The following RIT2 variants were observed in gnomAD, a reference collection of about 807,000 sequenced individuals.
RIT2 encodes Ras like without CAAX 2.
Under a neutral mutation model 23.7 loss-of-function variants are expected in RIT2, and 24 were observed. The observed-to-expected ratio is 1.01, with a 90% CI of 0.73 to 1.43. RIT2 has a LOEUF of 1.43. RIT2 is among the 40% of genes most tolerant of loss of function. The pLI is 0.00. For synonymous variants in RIT2, 107 were observed against 91.1 expected (o/e 1.17, Z -0.99); for missense variants, 236 against 266.9 (o/e 0.88, Z 0.81).
chr18:42,900,040 C>T (rs759530741), intron 4 of RIT2, among the ~76,000 whole-genome samples: 4 of 151,682 alleles, frequency 2.6e-5, no homozygotes, highest in Non-Finnish European at 5.9e-5. Flanking sequence ...AAATGGACCA[C>T]CAGAAACTAA....
At chr18:42,993,420 G>T (rs1047274605) in intron 2 of RIT2, among the ~76,000 whole-genome samples, 4 of 152,116 alleles carry the variant, frequency 2.6e-5, no homozygotes, top group Admixed American at 1.3e-4. Flanking sequence ...AACTCTCATG[G>T]TGGAAGGTAA....
intron 4 of RIT2, among the ~76,000 whole-genome samples, chr18:42,763,597 T>C (rs1200129861): frequency 6.6e-6 from 1 of 152,184 alleles, no homozygotes; most frequent in African/African-American, 2.4e-5. Flanking sequence ...TCATTGTGAA[T>C]GTTCTAAACA....
intron 1 of RIT2, among the ~76,000 whole-genome samples, chr18:43,069,613 T>G (rs1912853312): frequency 6.6e-6 from 1 of 152,134 alleles, no homozygotes; most frequent in Non-Finnish European, 1.5e-5. Flanking sequence ...GAGTGACACA[T>G]GGAAAATATC....
At chr18:42,761,756 C>CA (rs1567989917) in intron 4 of RIT2, among the ~76,000 whole-genome samples, 1 of 152,218 alleles carries the variant, frequency 6.6e-6, no homozygotes, top group Non-Finnish European at 1.5e-5. Context: ...TGGCTCAGTA[C>CA]AACCTTTGCC....
intron 2 of RIT2, among the ~76,000 whole-genome samples, chr18:43,011,256 A>G (rs1230182190): frequency 1.3e-5 from 2 of 151,748 alleles, no homozygotes; most frequent in Non-Finnish European, 2.9e-5. Flanking sequence ...AATAATGTGC[A>G]ATCAGGAGAG....
intron 4 of RIT2, among the ~76,000 whole-genome samples, chr18:42,795,603 G>A (rs775039868): frequency 1.3e-5 from 2 of 152,262 alleles, no homozygotes; most frequent in African/African-American, 4.8e-5. Context: ...CCACCTAAGG[G>A]CTGAGAACTG....
In RIT2 at chr18:42,743,403, A is replaced by G. The variant is rs1167385004; in HGVS notation, c.*90T>C. 4 of 916,246 alleles carry G rather than the reference A, an allele frequency of 4.4e-6. No homozygotes were observed. Among genetic ancestry groups the G allele is most frequent in the African/African-American group, 1.7e-5 (1 of 60,450 alleles). 56.8% of individuals were successfully genotyped at this position (916,246 alleles called of 1,614,324 possible). ...CAGATATTTAAAGAGAGAGAGACACATAGAGAGATAATATTGAAGCAGAAT... is the reference window on the plus strand; with the variant it reads ...CAGATATTTAAAGAGAGAGAGACACGTAGAGAGATAATATTGAAGCAGAAT... On this transcript the variant is annotated 3_prime_UTR_variant, in exon 5 of 5. Coordinates refer to ENST00000326695, the MANE Select transcript of RIT2 (RefSeq NM_002930.4).
chr18:43,049,888 A>T (rs945149248), intron 1 of RIT2, among the ~76,000 whole-genome samples: 4 of 151,592 alleles, frequency 2.6e-5, no homozygotes, highest in African/African-American at 9.7e-5. Context: ...GAGAAAATCT[A>T]AAGTCATATC....
At chr18:43,068,387 T>C (rs1307194340) in intron 1 of RIT2, among the ~76,000 whole-genome samples, 1 of 152,176 alleles carries the variant, frequency 6.6e-6, no homozygotes, top group Non-Finnish European at 1.5e-5. Flanking sequence ...ATCTGAAACA[T>C]ATGGATTCTC....
intron 1 of RIT2, among the ~76,000 whole-genome samples, chr18:43,091,839 C>T (rs867772419): frequency 6.6e-6 from 1 of 152,134 alleles, no homozygotes; most frequent in East Asian, 1.9e-4. Flanking sequence ...TTTAACCTTT[C>T]CTTCTTTAGC....
At chr18:43,053,587 G>A (rs1044884521) in intron 1 of RIT2, among the ~76,000 whole-genome samples, 8 of 151,994 alleles carry the variant, frequency 5.3e-5, no homozygotes, top group African/African-American at 1.9e-4. Context: ...GCTGTCTGGA[G>A]AGCTGGGAGG....
chr18:42,944,077 C>G (rs141613587), intron 3 of RIT2, among the ~76,000 whole-genome samples: 1 of 152,098 alleles, frequency 6.6e-6, no homozygotes, highest in Admixed American at 6.6e-5. Context: ...AGCCACGTCA[C>G]GTCCCTTCCC....
At chr18:42,823,039 T>C (rs566178498) in intron 4 of RIT2, among the ~76,000 whole-genome samples, 2 of 152,244 alleles carry the variant, frequency 1.3e-5, no homozygotes, top group Non-Finnish European at 2.9e-5. Context: ...CCAGAGGCTC[T>C]AGTAAAGAAA....
intron 4 of RIT2, among the ~76,000 whole-genome samples, chr18:42,782,108 T>C (rs1269270905): frequency 6.6e-6 from 1 of 152,210 alleles, no homozygotes; most frequent in Non-Finnish European, 1.5e-5. Flanking sequence ...GTGTTCAGTA[T>C]TGATTTTATC....
At position 42,911,806 on chromosome 18, in the gene RIT2, A is replaced by C. The variant is rs193129803; in HGVS notation, c.426+11766T>G. 8.4e-3 allele frequency among the ~76,000 whole-genome samples: 1,284 copies of C among 152,084 alleles called. 15 individuals carry two copies. Among genetic ancestry groups the C allele is most frequent in the African/African-American group, 0.029 (1,193 of 41,564 alleles). ...AATCAGATTTTTATTTTAAAAGCTT[A>C]TGCTCAAGAAATTTCCAGGCCCAGA... On this transcript the variant is annotated intron_variant, in intron 4 of 4. Transcript: ENST00000326695.
At chr18:42,992,586 A>G (rs867653668) in intron 2 of RIT2, among the ~76,000 whole-genome samples, 1 of 151,926 alleles carries the variant, frequency 6.6e-6, no homozygotes, top group South Asian at 2.1e-4. Context: ...GCCTCCTCCG[A>G]TCCTCCACCC....
Position 42,771,841 on chromosome 18 carries a change from G to A in RIT2, c.427-28121C>T, listed in dbSNP as rs554458411. On this transcript the variant is annotated intron_variant, in intron 4 of 4. Transcript: ENST00000326695. Reference sequence around the variant, plus strand: ...ATATAGTAGTTCAAAGAGTTACAGTGACCTTTCAAGTGAGGCAGTAATTAG... The same window carrying A: ...ATATAGTAGTTCAAAGAGTTACAGTAACCTTTCAAGTGAGGCAGTAATTAG... Among the ~76,000 whole-genome samples, 351 of 152,210 alleles carry A rather than the reference G, an allele frequency of 2.3e-3. 1 individual carries two copies. Among genetic ancestry groups the A allele is most frequent in the African/African-American group, 7.6e-3 (315 of 41,546 alleles).
chr18:43,069,065 T>C (rs1392466522), intron 1 of RIT2, among the ~76,000 whole-genome samples: 2 of 152,140 alleles, frequency 1.3e-5, no homozygotes, highest in Non-Finnish European at 2.9e-5. Context: ...TGTCCTGATA[T>C]CCCGAAATCT....
intron 4 of RIT2, among the ~76,000 whole-genome samples, chr18:42,844,103 G>A (rs1906842276): frequency 6.6e-6 from 1 of 152,194 alleles, no homozygotes; most frequent in Admixed American, 6.5e-5. Context: ...GGGAGAATGT[G>A]AGCAAGTGAG....
Sources: gnomAD v4.1 joint callset for allele counts (sites outside exome capture counted in the v4.1 genomes callset) on GRCh38, gnomAD v4.1.1 for gene constraint, MANE v1.5 for transcripts, NCBI Gene and HGNC (gene_info 2026-07-23, HGNC 2026-07-21) for gene names.